Variants in DLG4 observed in about 807,000 individuals in gnomAD.
The protein encoded by DLG4 is discs large MAGUK scaffold protein 4, also known as disks large homolog 4.
Under a neutral mutation model 93.8 loss-of-function variants are expected in DLG4, and 7 were observed. That is an observed-to-expected ratio of 0.07 (90% CI 0.04 to 0.14). The LOEUF (loss-of-function observed/expected upper bound fraction) is 0.14. DLG4 is among the 10% of genes least tolerant of loss of function. DLG4 has a pLI of 1.00. For missense variants in DLG4, 545 were observed against 992.9 expected, an observed-to-expected ratio of 0.55 and a Z score of 6.06; for synonymous variants, 341 against 387.6, an observed-to-expected ratio of 0.88 and a Z score of 1.41.
In DLG4 at chr17:7,203,375, G is replaced by A. The variant is rs1171599023; in HGVS notation, c.506-46C>T. The A allele has an allele frequency of 5.1e-6, 8 of 1,554,682 alleles. No individual in the cohort carries two copies. Among genetic ancestry groups the A allele is most frequent in the Non-Finnish European group, 5.2e-6 (6 of 1,156,308 alleles). On this transcript the variant is annotated intron_variant, in intron 6 of 19. Transcript: ENST00000399506. The surrounding 1 kb of genome is among the most constrained non-coding windows in gnomAD (Gnocchi z 7.2). The stretch of plus-strand genomic sequence containing the variant: ...AGGTGGGTGCCCAGGAAGCAGGCTT[G>A]GGGGCACAGGACAGTTGGGATGGGG...
At chr17:7,218,188 C>T, upstream of DLG4, 1 of 1,531,620 alleles carries the variant, frequency 6.5e-7, no homozygotes. Flanking sequence ...TGGCTCACCC[C>T]TCCAGCCCTG....
intron 1 of DLG4, among the ~76,000 whole-genome samples, chr17:7,214,690 G>A (rs944891011): frequency 9.9e-5 from 15 of 152,178 alleles, no homozygotes; most frequent in East Asian, 7.7e-4. Flanking sequence ...CCTCCAGTCC[G>A]CCACGCAGCT....
chr17:7,212,161 C>A (rs190315782), intron 1 of DLG4, among the ~76,000 whole-genome samples: 1 of 140,618 alleles, frequency 7.1e-6, no homozygotes, highest in Non-Finnish European at 1.6e-5. Flanking sequence ...ACTTCTCTCA[C>A]AAGAACCCCC....
Position 7,196,214 on chromosome 17 carries a change from T to A in DLG4, c.1301+6A>T. 3 of 1,611,704 alleles carry A rather than the reference T, an allele frequency of 1.9e-6. No individual in the cohort carries two copies. The highest frequency in any genetic ancestry group is 2.7e-5 in the African/African-American group (2 of 74,994). On this transcript the variant is annotated splice_donor_region_variant and intron_variant, in intron 11 of 19. Coordinates refer to ENST00000399506, the MANE Select transcript of DLG4 (RefSeq NM_001321075.3). This position sits in a 1 kb window ranked among gnomAD's most constrained non-coding sequence, Gnocchi z 8.3. ...GCTGAGGAGTCCAGCCCGGGAAGCCTCTGACCTGATGTAGAAACCCCTTTT... is the reference window on the plus strand; with the variant it reads ...GCTGAGGAGTCCAGCCCGGGAAGCCACTGACCTGATGTAGAAACCCCTTTT...
In DLG4 at chr17:7,203,437, G is replaced by T. The variant is rs1188008695; in HGVS notation, c.492C>A (p.Ile164=). The change falls in exon 6 of 20, where the codon ATC becomes ATA. Residue 164 remains isoleucine, a synonymous_variant. Transcript: ENST00000399506. The surrounding 1 kb of genome is among the most constrained non-coding windows in gnomAD (Gnocchi z 7.2). ...ATGAGTTACTACCTTTAGGCCCCTTGATGAGCTTGATCTCCATGACCTTCT... is the reference window on the plus strand; with the variant it reads ...ATGAGTTACTACCTTTAGGCCCCTTTATGAGCTTGATCTCCATGACCTTCT... ...PAEKVMEIKL[I]KGPKGLGFSI... 6 of 1,607,696 alleles carry T rather than the reference G, an allele frequency of 3.7e-6. No individual in the cohort carries two copies. The highest frequency in any genetic ancestry group is 5.1e-6 in the Non-Finnish European group (6 of 1,174,708).
rs902844961 is a variant in DLG4 at position 7,198,436 on chromosome 17, T to C, written c.788-1384A>G. ...AGGCGGAGGTTGCAAGGAGCCAAGA[T>C]TGTGCCACTGCACTCCAGCCTGGGT... On this transcript the variant is annotated intron_variant, in intron 8 of 19. Transcript: ENST00000399506. Among the ~76,000 whole-genome samples, 6 of 149,988 alleles carry C rather than the reference T, an allele frequency of 4.0e-5. No individual in the cohort carries two copies. The East Asian group carries it at 1.2e-3, about 30-fold the overall frequency.
intron 2 of DLG4, among the ~76,000 whole-genome samples, chr17:7,205,705 C>G (rs1188525816): frequency 7.5e-6 from 1 of 133,960 alleles, no homozygotes; most frequent in Non-Finnish European, 1.7e-5. Flanking sequence ...ATCCCCCATC[C>G]CACAGCCCGT....
At chr17:7,214,642 C>T (rs532548049) in intron 1 of DLG4, among the ~76,000 whole-genome samples, 1 of 152,242 alleles carries the variant, frequency 6.6e-6, no homozygotes, top group Non-Finnish European at 1.5e-5. Flanking sequence ...TCCCCACCCC[C>T]ACTTGTTCTG....
At chr17:7,218,938 A>C, upstream of DLG4, 1 of 1,455,424 alleles carries the variant, frequency 6.9e-7, no homozygotes, top group East Asian at 2.3e-5. Context: ...TGAGTAAAGT[A>C]GGCCGTCTCT....
In DLG4 at chr17:7,194,993, T is replaced by C. The variant is rs1184595389; in HGVS notation, c.1302-498A>G. On this transcript the variant is annotated intron_variant, in intron 11 of 19. Coordinates refer to ENST00000399506, the MANE Select transcript of DLG4 (RefSeq NM_001321075.3). The surrounding 1 kb of genome is among the most constrained non-coding windows in gnomAD (Gnocchi z 4.4). ...GAGATCACGCCACTGCACTCCAGCC[T>C]GGGCAACGGAGCGAGACACCGTCTC... is the stretch of plus-strand genomic sequence containing the variant. 1.4e-5 allele frequency among the ~76,000 whole-genome samples: 2 copies of C among 139,300 alleles called. No homozygotes were observed. The highest frequency in any genetic ancestry group is 5.5e-5 in the African/African-American group (2 of 36,644). 91.4% of individuals were successfully genotyped at this position (139,300 alleles called of 152,430 possible). A position where few individuals can be genotyped will look rare whatever the true frequency, so the allele number is the denominator to read the frequency against.
rs1425313290 is a variant in DLG4 at position 7,213,091 on chromosome 17, CTTTCTT to C, written c.30+4021_30+4026del. The stretch of plus-strand genomic sequence containing the variant: ...CCTTTTCCTTTTCTTTTCTTTCTTT[CTTTCTT>C]TTTTTTTTTTTTTTTTTTGAGACAG... On this transcript the variant is annotated intron_variant, in intron 1 of 19. Coordinates refer to ENST00000399506, the MANE Select transcript of DLG4 (RefSeq NM_001321075.3). Among the ~76,000 whole-genome samples, 292 of 99,534 alleles carry C rather than the reference CTTTCTT, an allele frequency of 2.9e-3. 1 individual carries two copies. The East Asian group carries it at 0.038, about 13-fold the overall frequency. 65.3% of individuals were successfully genotyped at this position (99,534 alleles called of 152,430 possible). A position where few individuals can be genotyped will look rare whatever the true frequency, so the allele number is the denominator to read the frequency against.
At chr17:7,219,941 G>A (rs755185338), upstream of DLG4, 1 of 1,582,684 alleles carries the variant, frequency 6.3e-7, no homozygotes, top group Non-Finnish European at 8.5e-7. Context: ...GGACGCCAGA[G>A]CTGGGTCAGA....
At chr17:7,210,757 G>T (rs429807) in intron 1 of DLG4, among the ~76,000 whole-genome samples, 3,350 of 152,228 alleles carry the variant, frequency 0.022, 142 homozygotes, top group African/African-American at 0.076. Flanking sequence ...TTTGAGTCCA[G>T]TGCCTCTCCA....
Position 7,187,472 on chromosome 17 carries a change from G to A in DLG4, c.*3236C>T, listed in dbSNP as rs2069327368. Among the ~76,000 whole-genome samples, 1 of 151,760 alleles carries A rather than the reference G, an allele frequency of 6.6e-6. No homozygotes were observed. Among genetic ancestry groups the A allele is most frequent in the Non-Finnish European group, 1.5e-5 (1 of 67,964 alleles). On this transcript the variant is annotated 3_prime_UTR_variant, in exon 20 of 20. Coordinates refer to ENST00000399506, the MANE Select transcript of DLG4 (RefSeq NM_001321075.3). The stretch of plus-strand genomic sequence containing the variant: ...GAGGCAGGAGAATAGCTTGAATCCG[G>A]AAGGCAGAGGTTGCAGTGAGCAGAG...
intron 8 of DLG4, among the ~76,000 whole-genome samples, chr17:7,198,847 CAAAAAAA>C (rs34843480): frequency 6.6e-5 from 6 of 90,398 alleles, no homozygotes; most frequent in Non-Finnish European, 1.2e-4. Flanking sequence ...GACTCCATCT[CAAAAAAA>C]AAAAAAAAAA....
chr17:7,217,613 A>AGG lies in DLG4; in HGVS notation c.-468_-467dup. Reference sequence around the variant, plus strand: ...AGGGAGCCGTGGAGCCGAAGAGGGAAGGGGAGAGAGGAGGAGAGAGGAAGC... The same window carrying AGG: ...AGGGAGCCGTGGAGCCGAAGAGGGAAGGGGGGAGAGAGGAGGAGAGAGGAAGC... On this transcript the variant is annotated 5_prime_UTR_variant, in exon 1 of 20. Coordinates refer to ENST00000399506, the MANE Select transcript of DLG4 (RefSeq NM_001321075.3). The AGG allele has an allele frequency of 1.7e-6, 2 of 1,211,594 alleles. No homozygotes were observed. The highest frequency in any genetic ancestry group is 2.8e-5 in the South Asian group (2 of 70,484). 75.1% of individuals were successfully genotyped at this position (1,211,594 alleles called of 1,614,324 possible).
chr17:7,212,324 G>C (rs1166399807), intron 1 of DLG4, among the ~76,000 whole-genome samples: 1 of 152,304 alleles, frequency 6.6e-6, no homozygotes, highest in Admixed American at 6.5e-5. Context: ...TTCTTCAAGA[G>C]TTTAAGGAAC....
Position 7,215,264 on chromosome 17 carries a change from T to C in DLG4, c.30+1854A>G, listed in dbSNP as rs184742312. Among the ~76,000 whole-genome samples, 5 of 152,300 alleles carry C rather than the reference T, an allele frequency of 3.3e-5. No homozygotes were observed. In the East Asian group the frequency reaches 9.6e-4, roughly 29 times the overall value. ...GCCTCTGTAAACCCCAAATGCATGA[T>C]CTGCTCTGTAAGCCTCCTTCCTTCA... is the stretch of plus-strand genomic sequence containing the variant. On this transcript the variant is annotated intron_variant, in intron 1 of 19. Coordinates refer to ENST00000399506, the MANE Select transcript of DLG4 (RefSeq NM_001321075.3).
chr17:7,203,999 C>G lies in DLG4; in HGVS notation c.210+9G>C. The G allele has an allele frequency of 6.2e-7, 1 of 1,610,846 alleles. No homozygotes were observed. The highest frequency in any genetic ancestry group is 8.5e-7 in the Non-Finnish European group (1 of 1,178,532). On this transcript the variant is annotated intron_variant, in intron 4 of 19. Transcript: ENST00000399506. This position sits in a 1 kb window ranked among gnomAD's most constrained non-coding sequence, Gnocchi z 7.2. ...GCCACGGGGACTGCCGATGGAGGAG[C>G]CTGCTCACCCTTTCCAATGTGATTT...
Sources: gnomAD v4.1 joint callset for allele counts (sites outside exome capture counted in the v4.1 genomes callset) on GRCh38, gnomAD v4.1.1 for gene constraint, Gnocchi (gnomAD v3.1) non-coding constraint, MANE v1.5 for transcripts, NCBI Gene and HGNC (gene_info 2026-07-23, HGNC 2026-07-21) for gene names.